SMG1: variants seen among roughly 807,000 people sequenced by gnomAD.
The protein encoded by SMG1 is SMG1 nonsense mediated mRNA decay associated PI3K related kinase.
A neutral mutation model predicts 419.9 loss-of-function variants in SMG1; 22 were observed. The ratio of observed to expected loss-of-function variants is 0.05; its 90% CI spans 0.04 to 0.07. The LOEUF is 0.07. Ranked by LOEUF, SMG1 falls within the 10% of genes least tolerant of loss-of-function variation. The probability of loss-of-function intolerance (pLI) is 1.00; values close to 1 mark genes in which losing one functional copy is unlikely to be tolerated. For synonymous variants in SMG1, 1,538 were observed against 1,553.5 expected (o/e 0.99, Z 0.23); for missense variants, 3,185 against 4,342.0 (o/e 0.73, Z 7.49).
chr16:18,925,340 C>T (rs2038349957), intron 1 of SMG1: 1 of 152,230 alleles, frequency 6.6e-6, no homozygotes, highest in African/African-American at 2.4e-5. Context: ...AGTAACCGGC[C>T]TTGCACTTAG....
rs377464344 is a variant in SMG1, at chr16:18,866,683, T to A, written c.3288A>T (p.Ser1096=). Residue 1096 remains serine (S), a synonymous_variant, in exon 23 of 63, where the codon TCA becomes TCT. Transcript: ENST00000446231. ...GAAGATTTTTTCCAACAATAGATGA[T>A]GACCAGACAGCAATTCCCTGTATAG... The part of the protein sequence containing the change: ...PEAIQGIAVW[S]SSIVGKNLLW... 1.9e-6 allele frequency: 3 copies of A among 1,594,890 alleles called. No individual in the cohort carries two copies. Among genetic ancestry groups the A allele is most frequent in the Non-Finnish European group, 2.5e-6 (3 of 1,177,480 alleles).
chr16:18,874,917 T>C (rs1325642153), intron 13 of SMG1, among the ~76,000 whole-genome samples: 2 of 131,782 alleles, frequency 1.5e-5, no homozygotes, highest in African/African-American at 5.9e-5. Flanking sequence ...TTTTTTTTTT[T>C]TTCCCCTAAA....
chr16:18,843,017 G>C (rs2034016111), intron 39 of SMG1, among the ~76,000 whole-genome samples: 1 of 152,190 alleles, frequency 6.6e-6, no homozygotes, highest in Non-Finnish European at 1.5e-5. Flanking sequence ...AATCACAGGA[G>C]ATAGAAGGAA....
chr16:18,904,740 G>A (rs1364791876), intron 1 of SMG1, among the ~76,000 whole-genome samples: 1 of 151,742 alleles, frequency 6.6e-6, no homozygotes, highest in African/African-American at 2.4e-5. Context: ...TTCAAGACCA[G>A]CCTCGCCAAT....
chr16:18,923,641 G>GAA (rs370845269), intron 1 of SMG1, among the ~76,000 whole-genome samples: 6 of 141,188 alleles, frequency 4.2e-5, no homozygotes, highest in African/African-American at 7.8e-5. Flanking sequence ...TCTCAGGAAG[G>GAA]AAAAAAAAAA....
chr16:18,907,646 G>A (rs1487789642), intron 1 of SMG1, among the ~76,000 whole-genome samples: 7 of 151,932 alleles, frequency 4.6e-5, no homozygotes, highest in East Asian at 3.9e-4. Flanking sequence ...TCAGGAGTTC[G>A]AGACCAGCCT....
chr16:18,841,861 T>G, intron 40 of SMG1, 67 bp from the exon 41 acceptor site: 1 of 1,327,888 alleles, frequency 7.5e-7, no homozygotes, highest in Non-Finnish European at 1.1e-6. Context: ...ACCACTCCTC[T>G]TTTTCAACTA....
chr16:18,901,014 A>G (rs2037324475), intron 1 of SMG1, among the ~76,000 whole-genome samples: 1 of 152,210 alleles, frequency 6.6e-6, no homozygotes, highest in Non-Finnish European at 1.5e-5. Context: ...TTAATTTGAG[A>G]GGCTCAGGGA....
intron 3 of SMG1, 37 bp from the exon 4 acceptor site, chr16:18,892,391 T>C (rs1380874578): frequency 2.0e-6 from 3 of 1,467,942 alleles, no homozygotes; most frequent in South Asian, 1.4e-5. Flanking sequence ...CCATTGAGTA[T>C]AAATAAGCAA....
chr16:18,882,525 A>G (rs2036443666), intron 9 of SMG1, among the ~76,000 whole-genome samples, 187 bp from the exon 10 acceptor site: 1 of 152,250 alleles, frequency 6.6e-6, no homozygotes, highest in Non-Finnish European at 1.5e-5. Context: ...TTATTTCAAA[A>G]AGCCAACATT....
At chr16:18,883,782 G>C (rs1013734589) in intron 9 of SMG1, among the ~76,000 whole-genome samples, 32 of 152,102 alleles carry the variant, frequency 2.1e-4, no homozygotes, top group African/African-American at 7.0e-4. Flanking sequence ...AGCTGGGCAT[G>C]GTGGCGGGCA....
chr16:18,916,315 A>T (rs2037976246), intron 1 of SMG1, among the ~76,000 whole-genome samples: 1 of 151,538 alleles, frequency 6.6e-6, no homozygotes, highest in Non-Finnish European at 1.5e-5. Flanking sequence ...GGAGATCGAG[A>T]CCATCCTGGC....
chr16:18,857,275 T>C (rs1326395745), intron 29 of SMG1: 1 of 152,252 alleles, frequency 6.6e-6, no homozygotes, highest in Non-Finnish European at 1.5e-5. Flanking sequence ...TGGCAACTTT[T>C]CTATTTTAGA....
chr16:18,902,825 A>G (rs931874687), intron 1 of SMG1, among the ~76,000 whole-genome samples: 3 of 152,108 alleles, frequency 2.0e-5, no homozygotes, highest in Non-Finnish European at 4.4e-5. Context: ...ACCATTAAAT[A>G]TACTGTAGCT....
chr16:18,850,187 A>T (rs773401762), intron 34 of SMG1, 50 bp downstream of exon 34: 1 of 1,583,312 alleles, frequency 6.3e-7, no homozygotes, highest in Non-Finnish European at 8.6e-7. Context: ...CTTTTGTTTA[A>T]TAAGAAAAAG....
chr16:18,872,700 A>C, intron 13 of SMG1, 76 bp from the exon 14 acceptor site: 1 of 1,226,946 alleles, frequency 8.2e-7, no homozygotes, highest in Non-Finnish European at 1.1e-6. Context: ...ATCCTTCAAA[A>C]TAGGGGTATC....
Position 18,847,914 on chromosome 16 carries a change from G to A in SMG1, c.5743C>T (p.Pro1915Ser). Residue 1915 changes from proline (P) to serine (S), a missense_variant, in exon 37 of 63, where the codon CCT becomes TCT. Physicochemically the swap from Pro to Ser is moderately conservative, Grantham distance 74. Coordinates refer to ENST00000446231, the MANE Select transcript of SMG1 (RefSeq NM_015092.5). Reference protein sequence around the residue: ...PASQDSNKDEPKSGLNEDQAM... With the variant: ...PASQDSNKDESKSGLNEDQAM... ...TGGTCTTCATTTAATCCACTTTTAG[G>A]TTCATCCTTATTGCTATCCTGAGAT... 6.2e-7 allele frequency: 1 copy of A among 1,613,890 alleles called. No individual in the cohort carries two copies. Among genetic ancestry groups the A allele is most frequent in the Non-Finnish European group, 8.5e-7 (1 of 1,179,874 alleles).
chr16:18,833,031 G>T lies in SMG1; in HGVS notation c.8701C>A (p.Gln2901Lys). 6.2e-7 allele frequency: 1 copy of T among 1,613,970 alleles called. No individual in the cohort carries two copies. The highest frequency in any genetic ancestry group is 8.5e-7 in the Non-Finnish European group (1 of 1,179,874). The change falls in exon 51 of 63, where the codon CAG becomes AAG. Residue 2901 changes from glutamine to lysine, a missense_variant. This residue lies in a region of SMG1 where 737 missense variants were observed against 846.6 expected (regional missense o/e 0.87). Coordinates refer to ENST00000446231, the MANE Select transcript of SMG1 (RefSeq NM_015092.5). The part of the protein sequence containing the change: ...IEQTTDGVPL[Q>K]TLVESLQAYL... Reference sequence around the variant, plus strand: ...GCCTGAAGAGATTCCACTAGAGTCTGCAGGGGAACGCCATCGGTGGTCTGC... The same window carrying T: ...GCCTGAAGAGATTCCACTAGAGTCTTCAGGGGAACGCCATCGGTGGTCTGC...
intron 13 of SMG1, among the ~76,000 whole-genome samples, chr16:18,874,779 T>C (rs180910522): frequency 2.3e-5 from 3 of 130,008 alleles, no homozygotes; most frequent in East Asian, 4.8e-4. Flanking sequence ...GGCAGGAGAA[T>C]TGCTGGAACC....
Sources: gnomAD v4.1 joint callset for allele counts (sites outside exome capture counted in the v4.1 genomes callset) on GRCh38, gnomAD v4.1.1 for gene constraint, gnomAD v4.1.1 regional missense constraint, MANE v1.5 for transcripts, NCBI Gene and HGNC (gene_info 2026-07-23, HGNC 2026-07-21) for gene names.